Variants in TMEM150C observed in about 807,000 individuals in gnomAD.
TMEM150C encodes the protein tentonin 3.
Under a neutral mutation model 29.9 loss-of-function variants are expected in TMEM150C, and 10 were observed. That is an observed-to-expected ratio of 0.33 (90% CI 0.21 to 0.57). TMEM150C has a LOEUF of 0.57. Ranked by LOEUF, TMEM150C falls within the 20% of genes least tolerant of loss-of-function variation. The probability of loss-of-function intolerance (pLI) is 0.88; values close to 1 mark genes in which losing one functional copy is unlikely to be tolerated. For synonymous variants in TMEM150C, 101 were observed against 112.5 expected (o/e 0.90, Z 0.64); for missense variants, 251 against 303.6 (o/e 0.83, Z 1.29).
intron 1 of TMEM150C, among the ~76,000 whole-genome samples, chr4:82,538,464 GAT>G (rs1056935373): frequency 1.3e-5 from 2 of 152,186 alleles, no homozygotes; most frequent in African/African-American, 4.8e-5. Context: ...CAGTCATTCA[GAT>G]ATGTTTTTGA....
At position 82,527,386 on chromosome 4, in the gene TMEM150C, C is replaced by T. The variant is rs568883255; in HGVS notation, c.-10-22719G>A. Among the ~76,000 whole-genome samples the T allele has an allele frequency of 1.2e-4, 18 of 152,218 alleles. No homozygotes were observed. The South Asian group carries it at 3.7e-3, about 32-fold the overall frequency. ...ACACGTACTTGTTTTTCTGTGGCTCCCCTACTTGGTGTGGGGCATCTGCTG... is the reference window on the plus strand; with the variant it reads ...ACACGTACTTGTTTTTCTGTGGCTCTCCTACTTGGTGTGGGGCATCTGCTG... On this transcript the variant is annotated intron_variant, in intron 1 of 7. Transcript: ENST00000449862.
At chr4:82,510,050 T>C (rs992353724) in intron 1 of TMEM150C, among the ~76,000 whole-genome samples, 1 of 151,940 alleles carries the variant, frequency 6.6e-6, no homozygotes, top group Non-Finnish European at 1.5e-5. Context: ...TTAAAAACTT[T>C]ATTAGGGCCG....
chr4:82,541,769 C>T lies in TMEM150C; in HGVS notation c.-11+20137G>A, dbSNP rs577905897. The stretch of plus-strand genomic sequence containing the variant: ...TAGTCTATCCATGGTTAAATAGTGA[C>T]GAACTGTTGATATACTAAAACAGCC... On this transcript the variant is annotated intron_variant, in intron 1 of 7. Coordinates refer to ENST00000449862, the MANE Select transcript of TMEM150C (RefSeq NM_001080506.3). Among the ~76,000 whole-genome samples the T allele has an allele frequency of 2.0e-4, 30 of 152,186 alleles. 1 individual carries two copies. The highest frequency in any genetic ancestry group is 2.6e-4 in the Admixed American group (4 of 15,288).
intron 1 of TMEM150C, among the ~76,000 whole-genome samples, chr4:82,535,249 C>A (rs1724968698): frequency 6.6e-6 from 1 of 152,124 alleles, no homozygotes; most frequent in African/African-American, 2.4e-5. Flanking sequence ...CTTGTGAGGG[C>A]TTTCTTGCAG....
chr4:82,485,851 T>G, intron 7 of TMEM150C, 132 bp from the exon 8 acceptor site: 1 of 737,768 alleles, frequency 1.4e-6, no homozygotes, highest in Non-Finnish European at 2.2e-6. Context: ...TGCTAGAGCT[T>G]GTTGAACACG....
chr4:82,536,180 A>T (rs559956745), intron 1 of TMEM150C, among the ~76,000 whole-genome samples: 248 of 152,204 alleles, frequency 1.6e-3, no homozygotes, highest in African/African-American at 5.8e-3. Flanking sequence ...CAACATGGTG[A>T]TACCCCATCT....
chr4:82,488,170 T>C (rs1022348063), intron 7 of TMEM150C, among the ~76,000 whole-genome samples: 3 of 152,218 alleles, frequency 2.0e-5, no homozygotes, highest in Non-Finnish European at 2.9e-5. Flanking sequence ...CTCCCACTTA[T>C]GAGTGAGAAC....
At position 82,540,114 on chromosome 4, in the gene TMEM150C, C is replaced by CT. The variant is rs577728662; in HGVS notation, c.-11+21791dup. Among the ~76,000 whole-genome samples, 204 of 47,236 alleles carry CT rather than the reference C, an allele frequency of 4.3e-3. 60 individuals carry two copies. Among genetic ancestry groups the CT allele is most frequent in the Non-Finnish European group, 7.7e-3 (148 of 19,284 alleles). 31.0% of individuals were successfully genotyped at this position (47,236 alleles called of 152,430 possible). On this transcript the variant is annotated intron_variant, in intron 1 of 7. Transcript: ENST00000449862. ...TAGTCATTCAATGTTTCTACCTATT[C>CT]TTTTTTTTTTTTTTTTTTTTTTTTT...
At chr4:82,491,365 G>C in intron 6 of TMEM150C, 1 of 641,546 alleles carries the variant, frequency 1.6e-6, no homozygotes, top group Non-Finnish European at 2.8e-6. Flanking sequence ...TGGCATCCAG[G>C]GCCTGGGTGA....
intron 6 of TMEM150C, chr4:82,495,409 A>G (rs550411555): frequency 1.1e-5 from 3 of 282,732 alleles, no homozygotes; most frequent in African/African-American, 6.9e-5. Context: ...CCACTGCGCT[A>G]AAACCTGGGC....
At chr4:82,546,600 G>A (rs545759772) in intron 1 of TMEM150C, among the ~76,000 whole-genome samples, 7 of 152,178 alleles carry the variant, frequency 4.6e-5, no homozygotes, top group East Asian at 1.9e-4. Flanking sequence ...AGGCCGAGGC[G>A]GGCAGATTAC....
At chr4:82,495,395 C>T in intron 6 of TMEM150C, 1 of 266,820 alleles carries the variant, frequency 3.7e-6, no homozygotes, top group South Asian at 4.0e-5. Flanking sequence ...AAGCTGAGAT[C>T]TCGCCACTGC....
chr4:82,491,153 A>C, intron 6 of TMEM150C: 1 of 701,938 alleles, frequency 1.4e-6, no homozygotes, highest in Admixed American at 2.0e-5. Flanking sequence ...CATCGTGTGC[A>C]ATCACCACCA....
intron 1 of TMEM150C, among the ~76,000 whole-genome samples, chr4:82,548,018 A>G (rs1162994048): frequency 2.0e-5 from 3 of 152,250 alleles, no homozygotes; most frequent in South Asian, 2.1e-4. Context: ...AATACTATAC[A>G]GCCATAAAAA....
intron 1 of TMEM150C, among the ~76,000 whole-genome samples, chr4:82,522,264 A>G (rs1724511980): frequency 6.6e-6 from 1 of 152,182 alleles, no homozygotes; most frequent in African/African-American, 2.4e-5. Context: ...ACCAAAATCC[A>G]CAAGCGACCA....
At chr4:82,497,124 A>G (rs1723582463) in intron 5 of TMEM150C, among the ~76,000 whole-genome samples, 1 of 152,216 alleles carries the variant, frequency 6.6e-6, no homozygotes, top group Non-Finnish European at 1.5e-5. Flanking sequence ...ACCTTGGGAT[A>G]GTCCATACTC....
At chr4:82,527,227 C>T (rs549993632) in intron 1 of TMEM150C, among the ~76,000 whole-genome samples, 17 of 151,956 alleles carry the variant, frequency 1.1e-4, no homozygotes, top group African/African-American at 3.6e-4. Context: ...CATTTTCACA[C>T]GTAATTTGGA....
At chr4:82,529,558 G>C (rs1724769569) in intron 1 of TMEM150C, among the ~76,000 whole-genome samples, 1 of 152,178 alleles carries the variant, frequency 6.6e-6, no homozygotes. Context: ...CAAGTGCTGG[G>C]ATTACAGGTA....
chr4:82,520,811 T>C (rs1014763227), intron 1 of TMEM150C, among the ~76,000 whole-genome samples: 6 of 152,080 alleles, frequency 3.9e-5, no homozygotes, highest in African/African-American at 1.2e-4. Context: ...AAACTGAGGA[T>C]ACAATAAGCA....
Sources: allele counts gnomAD v4.1 joint callset (sites outside exome capture counted in the v4.1 genomes callset), GRCh38; gene constraint gnomAD v4.1.1; transcripts MANE v1.5; gene names NCBI Gene and HGNC (gene_info 2026-07-23, HGNC 2026-07-21).